Variants in COL5A1 observed in about 807,000 individuals in gnomAD.
COL5A1 encodes collagen alpha-1(V) chain.
A neutral mutation model predicts 263.7 loss-of-function variants in COL5A1; 16 were observed. The observed-to-expected ratio is 0.06, with a 90% CI of 0.04 to 0.09. The LOEUF (loss-of-function observed/expected upper bound fraction) is 0.09, where lower values mean the gene tolerates loss of function less well. Among genes scored for constraint, COL5A1 ranks in the 10% least tolerant of loss-of-function variants. The pLI is 1.00. For missense variants in COL5A1, 2,036 were observed against 2,540.5 expected (o/e 0.80, Z 4.27); for synonymous variants, 1,012 against 1,004.5 (o/e 1.01, Z -0.14).
At position 134,784,949 on chromosome 9, in the gene COL5A1, C is replaced by T. The variant is rs76391270; in HGVS notation, c.2485-40C>T. The T allele has an allele frequency of 0.12, 177,328 of 1,456,090 alleles. 12,133 individuals carry two copies. Among genetic ancestry groups the T allele is most frequent in the African/African-American group, 0.24 (17,440 of 71,240 alleles). The allele number at this position is 1,456,090 out of a possible 1,614,324, so 90.2% of individuals were successfully genotyped here. On this transcript the variant is annotated intron_variant, in intron 29 of 65. Coordinates refer to ENST00000371817, the MANE Select transcript of COL5A1 (RefSeq NM_000093.5). ...ATGGTGGTGGAGAATAGTGTGTGTG[C>T]GGGGGGTGGTCTTCTCACCTCCTCT...
intron 28 of COL5A1, 109 bp from the exon 29 acceptor site, chr9:134,782,558 C>T (rs755676002): frequency 3.8e-6 from 4 of 1,057,244 alleles, no homozygotes; most frequent in South Asian, 2.5e-5. Context: ...TGCTGCCCCC[C>T]AAGCGTGGGG....
In COL5A1 at chr9:134,738,400, G is replaced by A. The variant is rs1055740366; in HGVS notation, c.1390-74G>A. 29 of 1,554,016 alleles carry A rather than the reference G, an allele frequency of 1.9e-5. No homozygotes were observed. In the East Asian group the frequency reaches 4.5e-4, roughly 24 times the overall value. On this transcript the variant is annotated intron_variant, in intron 9 of 65. Transcript: ENST00000371817. ...CCTCTTGTGCATGCAGCTGAAGGCCGTCCACACCACTGGGGTCTGGGGTGT... is the reference window on the plus strand; with the variant it reads ...CCTCTTGTGCATGCAGCTGAAGGCCATCCACACCACTGGGGTCTGGGGTGT...
intron 7 of COL5A1, 137 bp downstream of exon 7, chr9:134,730,612 C>T: frequency 8.3e-7 from 1 of 1,203,788 alleles, no homozygotes; most frequent in Non-Finnish European, 1.2e-6. Flanking sequence ...CCACCACACC[C>T]TGGCCCTGGG....
chr9:134,652,867 C>G lies in COL5A1; in HGVS notation c.109+10571C>G, dbSNP rs1831743478. ...CTTAAGGCACAGATTGTTTCTGACTCAGGAGGCCTTGGGTGGGCCCAGGAA... is the reference window on the plus strand; with the variant it reads ...CTTAAGGCACAGATTGTTTCTGACTGAGGAGGCCTTGGGTGGGCCCAGGAA... On this transcript the variant is annotated intron_variant, in intron 1 of 65. Transcript: ENST00000371817. This position sits in a 1 kb window ranked among gnomAD's most constrained non-coding sequence, Gnocchi z 4.4. 4.6e-5 allele frequency: 17 copies of G among 368,514 alleles called. No homozygotes were observed. The highest frequency in any genetic ancestry group is 3.3e-4 in the South Asian group (16 of 49,050). 22.8% of individuals were successfully genotyped at this position (368,514 alleles called of 1,614,324 possible).
chr9:134,679,035 C>T (rs1832757477), intron 1 of COL5A1, among the ~76,000 whole-genome samples: 2 of 152,198 alleles, frequency 1.3e-5, no homozygotes, highest in Non-Finnish European at 2.9e-5. Flanking sequence ...GCCTTCAGTT[C>T]TCATCAATTC....
chr9:134,679,854 T>C (rs1832802874), intron 1 of COL5A1, among the ~76,000 whole-genome samples: 1 of 152,004 alleles, frequency 6.6e-6, no homozygotes, highest in South Asian at 2.1e-4. Context: ...CCACTGCCAA[T>C]ATGTCCCTCT....
intron 11 of COL5A1, among the ~76,000 whole-genome samples, chr9:134,744,935 A>T (rs1452862730): frequency 6.6e-6 from 1 of 152,212 alleles, no homozygotes; most frequent in East Asian, 1.9e-4. Context: ...ACGTGCACAC[A>T]CATCTACATG....
Position 134,800,774 on chromosome 9 carries a change from G to A in COL5A1, c.2953-1180G>A, listed in dbSNP as rs1419820545. Among the ~76,000 whole-genome samples, 410 of 66,320 alleles carry A rather than the reference G, an allele frequency of 6.2e-3. 1 individual carries two copies. Among genetic ancestry groups the A allele is most frequent in the East Asian group, 0.016 (21 of 1,280 alleles). 43.5% of individuals were successfully genotyped at this position (66,320 alleles called of 152,430 possible). A position where few individuals can be genotyped will look rare whatever the true frequency, so the allele number is the denominator to read the frequency against. ...CAAAAAAAAAAAAAAAAAAAAAAAA[G>A]AAGCTAGTCTGCTGTGGGTTCATGT... is the stretch of plus-strand genomic sequence containing the variant. On this transcript the variant is annotated intron_variant, in intron 37 of 65. Coordinates refer to ENST00000371817, the MANE Select transcript of COL5A1 (RefSeq NM_000093.5).
chr9:134,819,404 G>A (rs897729924), intron 57 of COL5A1, among the ~76,000 whole-genome samples: 12 of 152,250 alleles, frequency 7.9e-5, no homozygotes, highest in African/African-American at 2.4e-4. Context: ...CAGGAGGTGT[G>A]AGGACATTTC....
At chr9:134,820,014 G>C in intron 57 of COL5A1, 102 bp from the exon 58 acceptor site, 1 of 883,614 alleles carries the variant, frequency 1.1e-6, no homozygotes, top group Non-Finnish European at 1.9e-6. Flanking sequence ...ATGATGTAAA[G>C]CTTCCTGTGC....
intron 4 of COL5A1, among the ~76,000 whole-genome samples, chr9:134,717,918 G>GGGTTGAAA (rs1266568339): frequency 6.6e-6 from 1 of 152,110 alleles, no homozygotes; most frequent in Non-Finnish European, 1.5e-5. Flanking sequence ...ATGGGGGATG[G>GGGTTGAAA]GGTTGAAAGG....
chr9:134,765,832 G>GGACT lies in COL5A1; in HGVS notation c.2088+98_2088+99insGACT. 6 of 1,015,424 alleles carry GGACT rather than the reference G, an allele frequency of 5.9e-6. No individual in the cohort carries two copies. Among genetic ancestry groups the GGACT allele is most frequent in the African/African-American group, 1.6e-5 (1 of 62,106 alleles). The allele number at this position is 1,015,424 out of a possible 1,614,324, so 62.9% of individuals were successfully genotyped here. A position where few individuals can be genotyped will look rare whatever the true frequency, so the allele number is the denominator to read the frequency against. ...GCTTGGGCACTGGGGCAGCAAGTCC[G>GGACT]TGCTGGCCCCTCTGGCGCCTGCCTG... On this transcript the variant is annotated intron_variant, in intron 21 of 65. Coordinates refer to ENST00000371817, the MANE Select transcript of COL5A1 (RefSeq NM_000093.5). The surrounding 1 kb of genome is among the most constrained non-coding windows in gnomAD (Gnocchi z 5.1).
At chr9:134,693,226 G>T (rs1041128882) in intron 2 of COL5A1, among the ~76,000 whole-genome samples, 1 of 152,080 alleles carries the variant, frequency 6.6e-6, no homozygotes, top group African/African-American at 2.4e-5. Flanking sequence ...CTTTTAACCA[G>T]ATGCTAGGTG....
At chr9:134,830,573 C>T (rs775321650) in intron 64 of COL5A1, among the ~76,000 whole-genome samples, 2 of 152,194 alleles carry the variant, frequency 1.3e-5, no homozygotes. Context: ...ACCACTTAAG[C>T]CATTCAGAGC....
intron 1 of COL5A1, among the ~76,000 whole-genome samples, chr9:134,661,870 T>C (rs1176310125): frequency 6.6e-6 from 1 of 152,142 alleles, no homozygotes; most frequent in East Asian, 1.9e-4. Flanking sequence ...TTTCCAGCCC[T>C]TCCCTCCAGC....
chr9:134,697,598 G>A (rs1248378466), intron 2 of COL5A1, among the ~76,000 whole-genome samples: 3 of 152,110 alleles, frequency 2.0e-5, no homozygotes, highest in African/African-American at 7.2e-5. Context: ...GGGTGTGGAC[G>A]GGGACCTGAG....
At chr9:134,705,209 C>T (rs4842148) in intron 4 of COL5A1, among the ~76,000 whole-genome samples, 75,907 of 152,080 alleles carry the variant, frequency 0.5, 19,319 homozygotes, top group Admixed American at 0.64. Context: ...CAAAGTGATG[C>T]GCCCTTGAGG....
At chr9:134,738,628 G>C in intron 10 of COL5A1, 113 bp downstream of exon 10, 1 of 1,547,866 alleles carries the variant, frequency 6.5e-7, no homozygotes, top group Non-Finnish European at 8.9e-7. Context: ...CGCTTTTGCA[G>C]ATCCCCTGGG....
chr9:134,717,344 G>A (rs539164754), intron 4 of COL5A1, among the ~76,000 whole-genome samples: 1 of 152,326 alleles, frequency 6.6e-6, no homozygotes, highest in East Asian at 1.9e-4. Context: ...GCTCCTGTTT[G>A]CAGAGCCCAG....
Sources: gnomAD v4.1 joint callset for allele counts (sites outside exome capture counted in the v4.1 genomes callset) on GRCh38, gnomAD v4.1.1 for gene constraint, Gnocchi (gnomAD v3.1) non-coding constraint, MANE v1.5 for transcripts, NCBI Gene and HGNC (gene_info 2026-07-23, HGNC 2026-07-21) for gene names.